Variants in ALCAM observed in about 807,000 individuals in gnomAD.
The protein encoded by ALCAM is CD166 antigen.
A neutral mutation model predicts 70.9 loss-of-function variants in ALCAM; 30 were observed. The ratio of observed to expected loss-of-function variants is 0.42; its 90% confidence interval spans 0.32 to 0.57. ALCAM has a LOEUF of 0.57. ALCAM is among the 20% of genes least tolerant of loss of function. ALCAM has a pLI of 0.11. For missense variants in ALCAM, 591 were observed against 695.1 expected, an observed-to-expected ratio of 0.85 and a Z score of 1.68; for synonymous variants, 249 against 242.5, an observed-to-expected ratio of 1.03 and a Z score of -0.25.
At chr3:105,408,368 A>C (rs948482033) in intron 1 of ALCAM, among the ~76,000 whole-genome samples, 1 of 152,172 alleles carries the variant, frequency 6.6e-6, no homozygotes, top group Non-Finnish European at 1.5e-5. Context: ...AGAACAATGG[A>C]ACAGAATAGA....
At chr3:105,371,387 T>A (rs535504287) in intron 1 of ALCAM, among the ~76,000 whole-genome samples, 7 of 152,266 alleles carry the variant, frequency 4.6e-5, no homozygotes, top group African/African-American at 1.7e-4. Context: ...GCTCAGCATT[T>A]CAAATTTTTT....
At chr3:105,533,272 A>T (rs1405559858) in intron 4 of ALCAM, among the ~76,000 whole-genome samples, 2 of 152,182 alleles carry the variant, frequency 1.3e-5, no homozygotes, top group Non-Finnish European at 2.9e-5. Context: ...GTCAGTGTTA[A>T]TAGAGTAATG....
At chr3:105,432,446 G>A (rs994605713) in intron 1 of ALCAM, among the ~76,000 whole-genome samples, 2 of 151,986 alleles carry the variant, frequency 1.3e-5, no homozygotes, top group South Asian at 4.2e-4. Context: ...TTATGTTTGA[G>A]GTAGCATTTT....
chr3:105,404,968 C>G (rs1936185264), intron 1 of ALCAM, among the ~76,000 whole-genome samples: 1 of 151,944 alleles, frequency 6.6e-6, no homozygotes, highest in Admixed American at 6.6e-5. Flanking sequence ...AACTTTAAAG[C>G]AACAGCAGTT....
At chr3:105,573,347 T>A (rs1940896175) in intron 15 of ALCAM, among the ~76,000 whole-genome samples, 1 of 151,906 alleles carries the variant, frequency 6.6e-6, no homozygotes, top group Non-Finnish European at 1.5e-5. Flanking sequence ...AATAAAAAAA[T>A]AAAAAACTTT....
At position 105,575,795 on chromosome 3, in the gene ALCAM, A is replaced by G. The variant is rs998576139; in HGVS notation, c.*1344A>G. The G allele has an allele frequency of 1.3e-5, 2 of 152,168 alleles. No homozygotes were observed. The highest frequency in any genetic ancestry group is 2.9e-5 in the Non-Finnish European group (2 of 68,036). The allele number at this position is 152,168 out of a possible 1,614,324, so 9.4% of individuals were successfully genotyped here. On this transcript the variant is annotated 3_prime_UTR_variant, in exon 16 of 16. Transcript: ENST00000306107. ...CGATTTCTTTCCCAGGATTTACACA[A>G]CTTTAAAGGGAAGATAAATGAACAT...
At chr3:105,431,055 G>T (rs554504994) in intron 1 of ALCAM, among the ~76,000 whole-genome samples, 1 of 151,378 alleles carries the variant, frequency 6.6e-6, no homozygotes, top group East Asian at 2.0e-4. Flanking sequence ...ATGCTCATGG[G>T]CCATTTTTTA....
At chr3:105,533,235 T>C (rs1231937384) in intron 4 of ALCAM, among the ~76,000 whole-genome samples, 7 of 152,182 alleles carry the variant, frequency 4.6e-5, no homozygotes, top group Non-Finnish European at 1.0e-4. Context: ...TATTCTTCCG[T>C]ATGAAGATCT....
chr3:105,459,537 A>G (rs1271580709), intron 1 of ALCAM, among the ~76,000 whole-genome samples: 1 of 152,036 alleles, frequency 6.6e-6, no homozygotes, highest in Non-Finnish European at 1.5e-5. Context: ...TGATGGCACT[A>G]CCATGGTCCA....
intron 1 of ALCAM, among the ~76,000 whole-genome samples, chr3:105,497,396 G>A (rs1938776736): frequency 6.6e-6 from 1 of 152,088 alleles, no homozygotes; most frequent in East Asian, 1.9e-4. Flanking sequence ...ATTATATAAT[G>A]CATGTAATTT....
At chr3:105,531,245 G>A (rs976795832) in intron 3 of ALCAM, 2 of 151,990 alleles carry the variant, frequency 1.3e-5, no homozygotes, top group Non-Finnish European at 2.9e-5. Context: ...TTAATCAATT[G>A]CTCCTGAAGT....
intron 1 of ALCAM, among the ~76,000 whole-genome samples, chr3:105,440,234 C>T (rs1937142100): frequency 2.0e-5 from 3 of 152,160 alleles, no homozygotes; most frequent in South Asian, 4.2e-4. Flanking sequence ...TCAAATGAGG[C>T]GAAAGGAAGT....
chr3:105,368,223 A>AAGAGAGAGAGAGAGAG (rs5851454), intron 1 of ALCAM, among the ~76,000 whole-genome samples: 2,529 of 67,698 alleles, frequency 0.037, 251 homozygotes, highest in East Asian at 0.083. Context: ...TGAGTCTTGG[A>AAGAGAGAGAGAGAGAG]AGAGAGAGAG....
rs955532301 is a variant in ALCAM at position 105,552,850 on chromosome 3, C to T, written c.1664+265C>T. The T allele has an allele frequency of 4.1e-6, 5 of 1,226,624 alleles. No individual in the cohort carries two copies. The African/African-American group carries it at 6.2e-5, about 15-fold the overall frequency. 76.0% of individuals were successfully genotyped at this position (1,226,624 alleles called of 1,614,324 possible). A position where few individuals can be genotyped will look rare whatever the true frequency, so the allele number is the denominator to read the frequency against. On this transcript the variant is annotated intron_variant, in intron 14 of 15. Transcript: ENST00000306107. ...ATTCAATTATTTGATTTTTTCAGTG[C>T]TTGAGTGAATTTTTTAAAGCGTATA...
At chr3:105,524,867 A>G in intron 3 of ALCAM, 1 of 999,560 alleles carries the variant, frequency 1.0e-6, no homozygotes, top group Non-Finnish European at 1.2e-6. Context: ...TATATATGTA[A>G]TCATGTATAT....
intron 1 of ALCAM, among the ~76,000 whole-genome samples, chr3:105,484,237 A>AT (rs1188471777): frequency 6.6e-6 from 1 of 150,920 alleles, no homozygotes; most frequent in African/African-American, 2.4e-5. Flanking sequence ...AACTACTACC[A>AT]TTTTTGCTCT....
At chr3:105,483,253 C>T (rs930512075) in intron 1 of ALCAM, among the ~76,000 whole-genome samples, 2 of 152,032 alleles carry the variant, frequency 1.3e-5, no homozygotes, top group African/African-American at 2.4e-5. Flanking sequence ...CATTTCTGTC[C>T]TATTTATTCA....
rs773583872 is a variant in ALCAM at position 105,576,123 on chromosome 3, G to GA, written c.*1679dup. ...CTCGATGCTGTATAAAATATTATGGGAAAAAAAGAAAATACGTTATTTTGC... is the reference window on the plus strand; with the variant it reads ...CTCGATGCTGTATAAAATATTATGGGAAAAAAAAGAAAATACGTTATTTTGC... On this transcript the variant is annotated 3_prime_UTR_variant, in exon 16 of 16. Coordinates refer to ENST00000306107, the MANE Select transcript of ALCAM (RefSeq NM_001627.4). 16 of 152,316 alleles carry GA rather than the reference G, an allele frequency of 1.1e-4. No homozygotes were observed. The highest frequency in any genetic ancestry group is 3.6e-4 in the African/African-American group (15 of 41,506). 9.4% of individuals were successfully genotyped at this position (152,316 alleles called of 1,614,324 possible). A position where few individuals can be genotyped will look rare whatever the true frequency, so the allele number is the denominator to read the frequency against.
chr3:105,424,372 C>T (rs1936739723), intron 1 of ALCAM, among the ~76,000 whole-genome samples: 1 of 151,620 alleles, frequency 6.6e-6, no homozygotes, highest in Admixed American at 6.6e-5. Context: ...TTCAGATGAA[C>T]TCTTAGAATA....
Sources: allele counts gnomAD v4.1 joint callset (sites outside exome capture counted in the v4.1 genomes callset), GRCh38; gene constraint gnomAD v4.1.1; transcripts MANE v1.5; gene names NCBI Gene and HGNC (gene_info 2026-07-23, HGNC 2026-07-21).